Variants in TRPM3 observed in about 807,000 individuals in gnomAD.
TRPM3 encodes transient receptor potential cation channel subfamily M member 3, also known as long transient receptor potential channel 3.
TRPM3 carries 77 observed loss-of-function variants against 181.2 expected under a neutral mutation model. The ratio of observed to expected loss-of-function variants is 0.42; its 90% CI spans 0.35 to 0.51. TRPM3 has a LOEUF of 0.51. TRPM3 is among the 20% of genes least tolerant of loss of function. TRPM3 has a pLI of 0.01. For synonymous variants in TRPM3, 745 were observed against 796.4 expected (o/e 0.94, Z 1.09); for missense variants, 1,759 against 2,196.7 (o/e 0.80, Z 3.98).
chr9:71,085,383 C>T (rs539982566), intron 1 of TRPM3, among the ~76,000 whole-genome samples: 2 of 152,030 alleles, frequency 1.3e-5, no homozygotes, highest in East Asian at 3.9e-4. Context: ...ACAGTGCATT[C>T]AGCAAAGTTC....
intron 9 of TRPM3, among the ~76,000 whole-genome samples, chr9:70,646,940 A>G (rs1180969482): frequency 6.6e-6 from 1 of 151,792 alleles, no homozygotes; most frequent in African/African-American, 2.4e-5. Context: ...CTAGAAACCT[A>G]GAAGAAATTG....
At chr9:70,861,682 T>C (rs1297605104) in intron 3 of TRPM3, among the ~76,000 whole-genome samples, 1 of 152,172 alleles carries the variant, frequency 6.6e-6, no homozygotes, top group Non-Finnish European at 1.5e-5. Flanking sequence ...TAATCTTGTG[T>C]GGGCAAATGC....
intron 1 of TRPM3, among the ~76,000 whole-genome samples, chr9:71,108,383 G>T (rs1240455086): frequency 6.6e-6 from 1 of 152,090 alleles, no homozygotes; most frequent in Non-Finnish European, 1.5e-5. Context: ...CACTGTGCCT[G>T]CATCCTTGCT....
At chr9:71,066,283 A>G (rs575721057) in intron 1 of TRPM3, among the ~76,000 whole-genome samples, 1 of 152,330 alleles carries the variant, frequency 6.6e-6, no homozygotes, top group Non-Finnish European at 1.5e-5. Flanking sequence ...TTATTCAAAT[A>G]TCGGCAAACT....
chr9:70,771,085 T>C (rs953175827), intron 7 of TRPM3, among the ~76,000 whole-genome samples: 2 of 152,208 alleles, frequency 1.3e-5, no homozygotes, highest in African/African-American at 4.8e-5. Context: ...GTTGCTAAGA[T>C]GCCTTGAAAC....
intron 9 of TRPM3, among the ~76,000 whole-genome samples, chr9:70,670,663 T>C (rs1052308638): frequency 4.9e-4 from 74 of 152,342 alleles, no homozygotes; most frequent in African/African-American, 1.6e-3. Flanking sequence ...TTTTACAGTT[T>C]TGATGGATTT....
chr9:70,784,267 C>T lies in TRPM3; in HGVS notation c.986G>A (p.Gly329Asp), dbSNP rs1183002474. 1 of 1,593,574 alleles carries T rather than the reference C, an allele frequency of 6.3e-7. No individual in the cohort carries two copies. The highest frequency in any genetic ancestry group is 8.6e-7 in the Non-Finnish European group (1 of 1,166,866). Residue 329 changes from glycine (G) to aspartate (D), a missense_variant, in exon 7 of 26, where the codon GGT becomes GAT. Around this residue, in one of 8 missense-constraint regions of TRPM3, gnomAD observed 737 missense variants for 957.4 expected, o/e 0.77. Transcript: ENST00000677713. Reference protein sequence around the residue: ...LQKINTRIGQGVPVVALIVEG... With the variant: ...LQKINTRIGQDVPVVALIVEG... Reference sequence around the variant, plus strand: ...CACTATGAGTGCCACCACAGGAACACCTTGACCGATTCCTGCATTAAAAAA... The same window carrying T: ...CACTATGAGTGCCACCACAGGAACATCTTGACCGATTCCTGCATTAAAAAA...
At chr9:71,397,341 T>C (rs2093226229) in intron 1 of TRPM3, among the ~76,000 whole-genome samples, 1 of 152,208 alleles carries the variant, frequency 6.6e-6, no homozygotes. Context: ...AAGGGGCCTT[T>C]AAGTATAATT....
At chr9:71,358,247 T>C (rs1469699445) in intron 1 of TRPM3, among the ~76,000 whole-genome samples, 2 of 152,210 alleles carry the variant, frequency 1.3e-5, no homozygotes, top group African/African-American at 2.4e-5. Context: ...ATCTTATTGT[T>C]GATGCTTTTT....
intron 22 of TRPM3, among the ~76,000 whole-genome samples, chr9:70,565,659 C>T (rs554071924): frequency 2.1e-5 from 3 of 142,952 alleles, no homozygotes; most frequent in African/African-American, 7.9e-5. Context: ...GGGGCGGGGG[C>T]GGGCCAAGAG....
chr9:71,234,897 T>C (rs1455386481), intron 1 of TRPM3, among the ~76,000 whole-genome samples: 1 of 152,204 alleles, frequency 6.6e-6, no homozygotes, highest in Admixed American at 6.5e-5. Flanking sequence ...ACTCAGGAAT[T>C]CCATGTACCT....
intron 1 of TRPM3, among the ~76,000 whole-genome samples, chr9:71,351,018 T>C (rs1194966036): frequency 6.6e-6 from 1 of 152,212 alleles, no homozygotes. Flanking sequence ...GCCTTTTTGA[T>C]TTGGAATCCA....
intron 1 of TRPM3, among the ~76,000 whole-genome samples, chr9:70,928,971 A>G (rs1201901003): frequency 2.0e-5 from 3 of 152,118 alleles, no homozygotes; most frequent in Non-Finnish European, 4.4e-5. Flanking sequence ...TGCAATGAGA[A>G]TTATTATGAT....
chr9:70,761,339 G>A, intron 8 of TRPM3: 1 of 627,764 alleles, frequency 1.6e-6, no homozygotes, highest in South Asian at 1.9e-5. Flanking sequence ...AACTCATTTT[G>A]TTGAGGCAGT....
chr9:70,890,096 T>C (rs1293020258), intron 1 of TRPM3, among the ~76,000 whole-genome samples: 1 of 148,556 alleles, frequency 6.7e-6, no homozygotes, highest in Non-Finnish European at 1.5e-5. Context: ...ATAGTATATA[T>C]ATAGTCAATA....
At chr9:71,168,868 A>C (rs1411569363) in intron 1 of TRPM3, among the ~76,000 whole-genome samples, 1 of 152,132 alleles carries the variant, frequency 6.6e-6, no homozygotes, top group Non-Finnish European at 1.5e-5. Context: ...GATATGTAAG[A>C]ATATAGTTCA....
At position 70,598,484 on chromosome 9, in the gene TRPM3, G is replaced by A. The variant is rs775696679; in HGVS notation, c.2983C>T (p.Arg995Cys). 4 of 1,614,178 alleles carry A rather than the reference G, an allele frequency of 2.5e-6. No individual in the cohort carries two copies. Among genetic ancestry groups the A allele is most frequent in the Non-Finnish European group, 3.4e-6 (4 of 1,180,040 alleles). Residue 995 changes from arginine (R) to cysteine (C), a missense_variant, in exon 21 of 26, where the codon CGT (arginine) becomes TGT (cysteine). Around this residue, in one of 8 missense-constraint regions of TRPM3, gnomAD observed 94 missense variants for 221.3 expected, o/e 0.42. Transcript: ENST00000677713. Reference sequence around the variant, plus strand: ...TTCACGCCGAAGATGTCTAGGAGACGGATATACCAGTAAATGATGTTCACG... The same window carrying A: ...TTCACGCCGAAGATGTCTAGGAGACAGATATACCAGTAAATGATGTTCACG... ...YCVNIIYWYI[R>C]LLDIFGVNKY... is the part of the protein sequence containing the mutation.
At chr9:70,964,154 T>A (rs1385632497) in intron 1 of TRPM3, among the ~76,000 whole-genome samples, 1 of 152,134 alleles carries the variant, frequency 6.6e-6, no homozygotes, top group Non-Finnish European at 1.5e-5. Flanking sequence ...TTATTTTTAT[T>A]CTTATTATTT....
intron 1 of TRPM3, among the ~76,000 whole-genome samples, chr9:71,039,962 T>A (rs2058644663): frequency 6.6e-6 from 1 of 152,218 alleles, no homozygotes; most frequent in African/African-American, 2.4e-5. Context: ...AATTTCATTA[T>A]AAGGGAAATA....
Sources: allele counts gnomAD v4.1 joint callset (sites outside exome capture counted in the v4.1 genomes callset), GRCh38; gene constraint gnomAD v4.1.1; regional missense constraint gnomAD v4.1.1; transcripts MANE v1.5; gene names NCBI Gene and HGNC (gene_info 2026-07-23, HGNC 2026-07-21).